Variants in EYS observed in about 807,000 individuals in gnomAD.
EYS encodes protein eyes shut homolog.
EYS carries 250 observed loss-of-function variants against 282.1 expected under a neutral mutation model. That is an observed-to-expected ratio of 0.89 (90% CI 0.80 to 0.98). EYS has a LOEUF of 0.98. Ranked by LOEUF, EYS falls within the 50% of genes least tolerant of loss-of-function variation. EYS has a pLI of 0.00. For missense variants in EYS, 4,016 were observed against 3,709.0 expected (o/e 1.08, Z -2.15); for synonymous variants, 1,355 against 1,282.9 (o/e 1.06, Z -1.20).
At chr6:63,754,806 C>A (rs753096179) in intron 41 of EYS, among the ~76,000 whole-genome samples, 7 of 152,182 alleles carry the variant, frequency 4.6e-5, no homozygotes, top group Admixed American at 1.3e-4. Flanking sequence ...ACACTCCCAC[C>A]AACAGTGTAA....
chr6:64,627,651 T>C (rs1767650068), intron 22 of EYS, among the ~76,000 whole-genome samples: 1 of 152,166 alleles, frequency 6.6e-6, no homozygotes, highest in Admixed American at 6.5e-5. Context: ...AAAAATTAAG[T>C]TCTGTTTTTC....
chr6:63,836,072 T>G (rs931940455), intron 36 of EYS, among the ~76,000 whole-genome samples: 3 of 152,116 alleles, frequency 2.0e-5, no homozygotes, highest in Non-Finnish European at 4.4e-5. Flanking sequence ...CATATTTTAT[T>G]TCTCTGGATT....
At chr6:64,107,285 T>TTATATATATATATA (rs55756711) in intron 31 of EYS, among the ~76,000 whole-genome samples, 24 of 101,506 alleles carry the variant, frequency 2.4e-4, no homozygotes, top group Admixed American at 3.4e-4. Flanking sequence ...ATATATATAT[T>TTATATATATATATA]TATATATATA....
chr6:65,306,233 G>A (rs1353134679), intron 11 of EYS, among the ~76,000 whole-genome samples: 2 of 152,222 alleles, frequency 1.3e-5, no homozygotes, highest in Admixed American at 6.5e-5. Flanking sequence ...AGGAACTGCT[G>A]TTGTAAGCGG....
chr6:65,247,041 CA>C (rs1767197874), intron 12 of EYS, among the ~76,000 whole-genome samples: 1 of 151,998 alleles, frequency 6.6e-6, no homozygotes, highest in East Asian at 1.9e-4. Context: ...AAAAAATAAA[CA>C]AATAGTTCAT....
chr6:64,569,615 C>T (rs1223285395), intron 26 of EYS, among the ~76,000 whole-genome samples: 2 of 151,946 alleles, frequency 1.3e-5, no homozygotes, highest in South Asian at 2.1e-4. Flanking sequence ...GTGGTGGGAA[C>T]CTGTGGTCCC....
chr6:65,672,636 G>T (rs1768429429), intron 1 of EYS, among the ~76,000 whole-genome samples: 1 of 151,986 alleles, frequency 6.6e-6, no homozygotes, highest in Admixed American at 6.6e-5. Flanking sequence ...ACTATCTCCA[G>T]AAATAAGTCC....
chr6:64,963,780 G>A (rs1231675132), intron 14 of EYS, among the ~76,000 whole-genome samples: 1 of 152,122 alleles, frequency 6.6e-6, no homozygotes, highest in Non-Finnish European at 1.5e-5. Flanking sequence ...TGTCAGATGA[G>A]TGAAATAGGA....
In EYS at chr6:64,022,261, C is replaced by T. The variant is rs572084659; in HGVS notation, c.6726-23078G>A. ...ACTTTATAATTTTAAAAGTTTTTCT[C>T]ATTCTTTTCATCAAAACCTGAGAAT... On this transcript the variant is annotated intron_variant, in intron 33 of 42. Transcript: ENST00000503581. 3.3e-5 allele frequency among the ~76,000 whole-genome samples: 5 copies of T among 152,244 alleles called. No individual in the cohort carries two copies. In the East Asian group the frequency reaches 7.7e-4, roughly 24 times the overall value.
chr6:65,160,470 G>A (rs548870560), intron 12 of EYS, among the ~76,000 whole-genome samples: 1 of 150,930 alleles, frequency 6.6e-6, no homozygotes, highest in Admixed American at 6.6e-5. Context: ...AATTATAGAT[G>A]AATATACTGA....
At chr6:64,907,411 C>T (rs1241839829) in intron 16 of EYS, among the ~76,000 whole-genome samples, 1 of 152,098 alleles carries the variant, frequency 6.6e-6, no homozygotes, top group East Asian at 1.9e-4. Context: ...GTTTATTCAA[C>T]CTTTCCCACT....
intron 2 of EYS, among the ~76,000 whole-genome samples, chr6:65,594,446 G>T (rs2149786486): frequency 6.6e-6 from 1 of 151,830 alleles, no homozygotes; most frequent in South Asian, 2.1e-4. Context: ...AATTGAATTT[G>T]TATATCTATG....
At chr6:64,344,076 C>T (rs1453179361) in intron 29 of EYS, among the ~76,000 whole-genome samples, 4 of 151,910 alleles carry the variant, frequency 2.6e-5, no homozygotes, top group Non-Finnish European at 5.9e-5. Flanking sequence ...AGCTTACCAA[C>T]CAAAAAAAAG....
intron 7 of EYS, among the ~76,000 whole-genome samples, chr6:65,388,480 T>C (rs923974671): frequency 6.6e-6 from 1 of 151,962 alleles, no homozygotes; most frequent in African/African-American, 2.4e-5. Flanking sequence ...TTTGAGGAGA[T>C]AATATTTGAG....
intron 12 of EYS, among the ~76,000 whole-genome samples, chr6:65,148,119 C>G (rs964175154): frequency 5.9e-5 from 9 of 152,062 alleles, no homozygotes; most frequent in Admixed American, 5.9e-4. Flanking sequence ...ATCTCATGTT[C>G]TCACATTTCA....
At chr6:63,871,198 A>G (rs557632602) in intron 35 of EYS, among the ~76,000 whole-genome samples, 2 of 152,240 alleles carry the variant, frequency 1.3e-5, no homozygotes, top group Non-Finnish European at 2.9e-5. Flanking sequence ...ATCTGAGCTG[A>G]GATGCAAGAA....
At chr6:65,610,824 T>A (rs1011795145) in intron 2 of EYS, among the ~76,000 whole-genome samples, 1 of 152,098 alleles carries the variant, frequency 6.6e-6, no homozygotes, top group South Asian at 2.1e-4. Flanking sequence ...TTTATAATGA[T>A]CAAAATATCT....
At position 64,142,546 on chromosome 6, in the gene EYS, T is replaced by C. The variant is rs576813899; in HGVS notation, c.6425-60544A>G. 3.3e-5 allele frequency among the ~76,000 whole-genome samples: 5 copies of C among 152,210 alleles called. No individual in the cohort carries two copies. The East Asian group carries it at 9.7e-4, about 29-fold the overall frequency. ...AAAACGAGAAGTATTTAAGAATGGA[T>C]TTGGCCAGGTACGCAGGAACCAGGT... On this transcript the variant is annotated intron_variant, in intron 31 of 42. Coordinates refer to ENST00000503581, the MANE Select transcript of EYS (RefSeq NM_001142800.2).
At chr6:65,557,048 T>C (rs1208830627) in intron 2 of EYS, among the ~76,000 whole-genome samples, 1 of 152,198 alleles carries the variant, frequency 6.6e-6, no homozygotes, top group African/African-American at 2.4e-5. Flanking sequence ...TCATTAAAAA[T>C]GTACAGATGG....
Sources: allele counts gnomAD v4.1 joint callset (sites outside exome capture counted in the v4.1 genomes callset), GRCh38; gene constraint gnomAD v4.1.1; transcripts MANE v1.5; gene names NCBI Gene and HGNC (gene_info 2026-07-23, HGNC 2026-07-21).